MTOR: variants seen among roughly 807,000 people sequenced by gnomAD.
MTOR encodes mechanistic target of rapamycin kinase.
Under a neutral mutation model 319.8 loss-of-function variants are expected in MTOR, and 70 were observed. That is an observed-to-expected ratio of 0.22 (90% CI 0.18 to 0.27). The LOEUF (loss-of-function observed/expected upper bound fraction) is 0.27. Ranked by LOEUF, MTOR falls within the 10% of genes least tolerant of loss-of-function variation. The probability of loss-of-function intolerance (pLI) is 1.00; values close to 1 mark genes in which losing one functional copy is unlikely to be tolerated. For missense variants in MTOR, 1,890 were observed against 3,274.4 expected (o/e 0.58, Z 10.32); for synonymous variants, 1,183 against 1,211.4 (o/e 0.98, Z 0.49).
intron 28 of MTOR, chr1:11,189,753 C>T (rs755819859): frequency 1.1e-5 from 17 of 1,614,158 alleles, no homozygotes; most frequent in Admixed American, 5.0e-5. Flanking sequence ...AAGTTGCCAA[C>T]CTTAGCAGCC....
At chr1:11,193,697 C>A in intron 28 of MTOR, 1 of 1,614,090 alleles carries the variant, frequency 6.2e-7, no homozygotes, top group South Asian at 1.1e-5. Flanking sequence ...TGGCAGCATC[C>A]GTGGGGACTT....
At chr1:11,261,974 A>C (rs891861021) in intron 1 of MTOR, among the ~76,000 whole-genome samples, 3 of 152,112 alleles carry the variant, frequency 2.0e-5, no homozygotes, top group Non-Finnish European at 4.4e-5. Flanking sequence ...TGGATGGGGG[A>C]AACAGGGATG....
intron 19 of MTOR, among the ~76,000 whole-genome samples, chr1:11,225,362 A>T (rs192656288): frequency 2.7e-3 from 409 of 151,926 alleles, no homozygotes; most frequent in Non-Finnish European, 4.8e-3. Context: ...TTCTAACACA[A>T]TTTTTTTTAA....
chr1:11,251,329 C>T (rs1286793456), intron 6 of MTOR, among the ~76,000 whole-genome samples: 1 of 152,198 alleles, frequency 6.6e-6, no homozygotes, highest in Non-Finnish European at 1.5e-5. Context: ...TCCCCAGATA[C>T]CTGTAGGGCT....
chr1:11,161,170 C>T (rs574058972), intron 29 of MTOR, among the ~76,000 whole-genome samples: 5 of 152,340 alleles, frequency 3.3e-5, no homozygotes, highest in African/African-American at 4.8e-5. Context: ...CCCACGCCCA[C>T]GGAGCCTTGC....
intron 16 of MTOR, 32 bp downstream of exon 16, chr1:11,232,404 G>A (rs953893899): frequency 2.6e-6 from 4 of 1,555,888 alleles, no homozygotes; most frequent in African/African-American, 1.4e-5. Context: ...CATGGGGTCT[G>A]TCTTGCTCAA....
Position 11,241,696 on chromosome 1 carries a change from A to G in MTOR, c.1413-15T>C, listed in dbSNP as rs1371282601. ...CCTTCTGCCTCCTGTAGAGAAATGG[A>G]GAGTGGCTAGTTGAGACATAATGAC... On this transcript the variant is annotated splice_polypyrimidine_tract_variant and intron_variant, in intron 9 of 57. Coordinates refer to ENST00000361445, the MANE Select transcript of MTOR (RefSeq NM_004958.4). 1 of 1,606,658 alleles carries G rather than the reference A, an allele frequency of 6.2e-7. No homozygotes were observed. Among genetic ancestry groups the G allele is most frequent in the African/African-American group, 1.3e-5 (1 of 74,884 alleles).
At chr1:11,157,574 A>T (rs1644355984) in intron 29 of MTOR, among the ~76,000 whole-genome samples, 1 of 152,164 alleles carries the variant, frequency 6.6e-6, no homozygotes, top group Admixed American at 6.5e-5. Context: ...TCCCAGACAC[A>T]TGGGTCATCA....
chr1:11,210,687 T>C (rs1646281500), intron 24 of MTOR, 127 bp downstream of exon 24: 2 of 657,076 alleles, frequency 3.0e-6, no homozygotes, highest in South Asian at 4.0e-5. Flanking sequence ...TCTACAAAAC[T>C]GGAAAAAAGT....
intron 29 of MTOR, among the ~76,000 whole-genome samples, chr1:11,164,334 GA>G (rs547043272): frequency 0.036 from 2,145 of 60,168 alleles, 13 homozygotes; most frequent in Non-Finnish European, 0.05. Flanking sequence ...GACTCTGCCT[GA>G]AAAAAAAAAA....
intron 6 of MTOR, among the ~76,000 whole-genome samples, chr1:11,252,900 A>T (rs1164851515): frequency 1.3e-5 from 2 of 152,194 alleles, no homozygotes; most frequent in Non-Finnish European, 2.9e-5. Context: ...AGCCGTGAGA[A>T]TGCAACCTCC....
At position 11,212,178 on chromosome 1, in the gene MTOR, GA is replaced by G; in HGVS notation, c.3561+133del. 1 of 1,147,564 alleles carries G rather than the reference GA, an allele frequency of 8.7e-7. No homozygotes were observed. Among genetic ancestry groups the G allele is most frequent in the Non-Finnish European group, 1.2e-6 (1 of 815,384 alleles). The allele number at this position is 1,147,564 out of a possible 1,614,324, so 71.1% of individuals were successfully genotyped here. A position where few individuals can be genotyped will look rare whatever the true frequency, so the allele number is the denominator to read the frequency against. On this transcript the variant is annotated intron_variant, in intron 23 of 57. Coordinates refer to ENST00000361445, the MANE Select transcript of MTOR (RefSeq NM_004958.4). The surrounding 1 kb of genome is among the most constrained non-coding windows in gnomAD (Gnocchi z 4.1). Reference sequence around the variant, plus strand: ...CTCAATAAATGTTTGCTGAACACATGAAAAGAAAAAAAGCAAGTAATTCCAC... The same window carrying G: ...CTCAATAAATGTTTGCTGAACACATGAAAGAAAAAAAGCAAGTAATTCCAC...
At chr1:11,145,125 G>C in intron 32 of MTOR, 80 bp from the exon 33 acceptor site, 1 of 1,161,536 alleles carries the variant, frequency 8.6e-7, no homozygotes, top group African/African-American at 1.5e-5. Context: ...ACTAGCTACA[G>C]AAGTTATCTG....
chr1:11,241,224 G>C (rs1327502022), intron 10 of MTOR, among the ~76,000 whole-genome samples: 1 of 151,708 alleles, frequency 6.6e-6, no homozygotes, highest in African/African-American at 2.4e-5. Flanking sequence ...AGGAGGCTGA[G>C]GCAGGAGAAT....
rs1643033166 is a variant in MTOR at position 11,129,962 on chromosome 1, C to T, written c.5614-124G>A. The T allele has an allele frequency of 2.7e-6, 2 of 746,222 alleles. No individual in the cohort carries two copies. Among genetic ancestry groups the T allele is most frequent in the Non-Finnish European group, 4.5e-6 (2 of 443,626 alleles). The allele number at this position is 746,222 out of a possible 1,614,324, so 46.2% of individuals were successfully genotyped here. ...GTTATAACAATTAAATCGGTTAATG[C>T]ATGAAAAATCTTTAATCATTACCTG... On this transcript the variant is annotated intron_variant, in intron 39 of 57. Coordinates refer to ENST00000361445, the MANE Select transcript of MTOR (RefSeq NM_004958.4). The surrounding 1 kb of genome is among the most constrained non-coding windows in gnomAD (Gnocchi z 4.7).
chr1:11,248,157 T>C (rs991078097), intron 6 of MTOR, 63 bp from the exon 7 acceptor site: 4 of 1,484,968 alleles, frequency 2.7e-6, no homozygotes, highest in Non-Finnish European at 3.6e-6. Context: ...CTGGGCACTG[T>C]GGATTCTACA....
At chr1:11,114,976 C>T in intron 51 of MTOR, 89 bp from the exon 52 acceptor site, 3 of 1,074,830 alleles carry the variant, frequency 2.8e-6, no homozygotes, top group South Asian at 1.3e-5. Context: ...TCTGCATCAC[C>T]TGCACTGATT....
chr1:11,259,647 A>G (rs183308823), intron 1 of MTOR, among the ~76,000 whole-genome samples: 2 of 152,314 alleles, frequency 1.3e-5, no homozygotes, highest in African/African-American at 4.8e-5. Context: ...ATTGTGGGCT[A>G]TCGGCCTAGC....
Position 11,240,526 on chromosome 1 carries a change from G to A in MTOR, c.1563C>T (p.Leu521=), listed in dbSNP as rs1440273754. Residue 521 remains leucine (L), a synonymous_variant, in exon 11 of 58, where the codon CTC becomes CTT. Transcript: ENST00000361445. ...VGLSPALTAV[L]YDLSRQIPQL... ...GTGGAATCTGACGGCTCAGGTCGTAGAGCACTGCAGTGAGGGCAGGGCTGA... is the reference window on the plus strand; with the variant it reads ...GTGGAATCTGACGGCTCAGGTCGTAAAGCACTGCAGTGAGGGCAGGGCTGA... 6.2e-7 allele frequency: 1 copy of A among 1,614,168 alleles called. No homozygotes were observed. Among genetic ancestry groups the A allele is most frequent in the Admixed American group, 1.7e-5 (1 of 60,022 alleles).
Sources: gnomAD v4.1 joint callset for allele counts (sites outside exome capture counted in the v4.1 genomes callset) on GRCh38, gnomAD v4.1.1 for gene constraint, Gnocchi (gnomAD v3.1) non-coding constraint, MANE v1.5 for transcripts, NCBI Gene and HGNC (gene_info 2026-07-23, HGNC 2026-07-21) for gene names.